Variants in PIM2 observed in about 807,000 individuals in gnomAD.
PIM2 encodes the protein serine/threonine-protein kinase pim-2.
In PIM2, 3 loss-of-function variants were observed where a neutral mutation model predicts 18.0. The observed-to-expected ratio is 0.17, with a 90% confidence interval of 0.08 to 0.43. PIM2 has a LOEUF of 0.43. Ranked by LOEUF, PIM2 falls within the 20% of genes least tolerant of loss-of-function variation. The probability of loss-of-function intolerance (pLI) is 0.99; values close to 1 mark genes in which losing one functional copy is unlikely to be tolerated. For synonymous variants in PIM2, 117 were observed against 105.3 expected, an observed-to-expected ratio of 1.11 and a Z score of -0.68; for missense variants, 181 against 260.8, an observed-to-expected ratio of 0.69 and a Z score of 2.11.
Position 48,917,778 on chromosome X carries a change from C to T in PIM2, c.222+3G>A. ...GGTTAGGAAGGGCTCCGAAGGTACT[C>T]ACCAAGGGGGACCAGCCCAGCACAC... On this transcript the variant is annotated splice_donor_region_variant and intron_variant, in intron 3 of 5. Coordinates refer to ENST00000376509, the MANE Select transcript of PIM2 (RefSeq NM_006875.4). 1 of 1,200,320 alleles carries T rather than the reference C, an allele frequency of 8.3e-7. No homozygotes were observed. Among genetic ancestry groups the T allele is most frequent in the African/African-American group, 1.7e-5 (1 of 57,498 alleles).
rs1396834229 is a variant in PIM2, at chrX:48,913,202, TTAAA to T, written c.*925_*928del. The T allele has an allele frequency of 3.6e-5, 4 of 111,408 alleles. No homozygotes were observed. Among genetic ancestry groups the T allele is most frequent in the African/African-American group, 1.3e-4 (4 of 30,492 alleles). The allele number at this position is 111,408 out of a possible 1,213,427, so 9.2% of individuals were successfully genotyped here. The stretch of plus-strand genomic sequence containing the variant: ...GCCGCTTCTGATTCTATTACTTTTA[TTAAA>T]TAGTGGGTTTCCACACATGGCTTTT... On this transcript the variant is annotated 3_prime_UTR_variant, in exon 6 of 6. Coordinates refer to ENST00000376509, the MANE Select transcript of PIM2 (RefSeq NM_006875.4).
At chrX:48,915,529 C>G (rs1245657578) in intron 3 of PIM2, 137 bp from the exon 4 acceptor site, 1 of 573,499 alleles carries the variant, frequency 1.7e-6, no homozygotes, top group African/African-American at 2.3e-5. Flanking sequence ...CACTTCCCTT[C>G]CTGGGCCTCA....
In PIM2 at chrX:48,918,571, C is replaced by G. The variant is rs1557045532; in HGVS notation, c.136G>C (p.Val46Leu). The change falls in exon 2 of 6, where the codon GTC (valine) becomes CTC (leucine). Residue 46 changes from valine to leucine, a missense_variant. This residue lies in a region of PIM2 where 104 missense variants were observed against 125.3 expected (regional missense o/e 0.83). Coordinates refer to ENST00000376509, the MANE Select transcript of PIM2 (RefSeq NM_006875.4). The stretch of plus-strand genomic sequence containing the variant: ...TCTGTGAGGCGGTGTCCTGCGAAGA[C>G]GGTGCCAAAGCCCCCCTTACCCAGG... ...PLLGKGGFGT[V>L]FAGHRLTDRL... The G allele has an allele frequency of 8.3e-7, 1 of 1,206,722 alleles. No individual in the cohort carries two copies. The highest frequency in any genetic ancestry group is 1.1e-6 in the Non-Finnish European group (1 of 892,052).
chrX:48,913,342 G>T lies in PIM2; in HGVS notation c.*789C>A, dbSNP rs2063552334. 1 of 109,841 alleles carries T rather than the reference G, an allele frequency of 9.1e-6. No individual in the cohort carries two copies. The highest frequency in any genetic ancestry group is 2.8e-4 in the East Asian group (1 of 3,518). The allele number at this position is 109,841 out of a possible 1,213,427, so 9.1% of individuals were successfully genotyped here. On this transcript the variant is annotated 3_prime_UTR_variant, in exon 6 of 6. Coordinates refer to ENST00000376509, the MANE Select transcript of PIM2 (RefSeq NM_006875.4). Reference sequence around the variant, plus strand: ...GACAATCCCGGCTCAGGAGGAGGTTGCAAGAATCTGCAAAAGTTGGAGGGA... The same window carrying T: ...GACAATCCCGGCTCAGGAGGAGGTTTCAAGAATCTGCAAAAGTTGGAGGGA...
At chrX:48,917,729 AAT>A (rs2063567104) in intron 3 of PIM2, 50 bp downstream of exon 3, 1 of 1,008,038 alleles carries the variant, frequency 9.9e-7, no homozygotes, top group Non-Finnish European at 1.4e-6. Flanking sequence ...CAAGGAGGTG[AAT>A]ACATCAGTGA....
intron 3 of PIM2, chrX:48,915,593 G>C (rs781858918): frequency 2.4e-6 from 1 of 415,953 alleles, no homozygotes; most frequent in Admixed American, 4.5e-5. Flanking sequence ...AACCAGCAAA[G>C]AGCCTGCACA....
chrX:48,915,890 T>C (rs2147507078), intron 3 of PIM2, among the ~76,000 whole-genome samples: 1 of 112,176 alleles, frequency 8.9e-6, no homozygotes, highest in East Asian at 2.8e-4. Context: ...ACTCCAGCTG[T>C]CTCAAAACAA....
At chrX:48,914,680 A>T in intron 4 of PIM2, 109 bp from the exon 5 acceptor site, 1 of 653,866 alleles carries the variant, frequency 1.5e-6, no homozygotes, top group Non-Finnish European at 2.3e-6. Flanking sequence ...TCAAGATAAA[A>T]GCAGAGTCCC....
Position 48,915,098 on chromosome X carries a change from G to A in PIM2, c.517C>T (p.Leu173=). The change falls in exon 4 of 6, where the codon CTA becomes TTA. Residue 173 remains leucine (L), a synonymous_variant. Coordinates refer to ENST00000376509, the MANE Select transcript of PIM2 (RefSeq NM_006875.4). ...DIKDENILID[L]RRGCAKLIDF... ...ATGAGTTTGGCACAGCCACGGCGTA[G>A]GTCTATCAGGATGTTCTCATCCTTG... is the stretch of plus-strand genomic sequence containing the variant. 8.3e-7 allele frequency: 1 copy of A among 1,211,161 alleles called. No individual in the cohort carries two copies. The highest frequency in any genetic ancestry group is 1.1e-6 in the Non-Finnish European group (1 of 894,667).
Position 48,914,465 on chromosome X carries a change from C to T in PIM2, c.702G>A (p.Gly234=), listed in dbSNP as rs1182429206. 1 of 1,210,174 alleles carries T rather than the reference C, an allele frequency of 8.3e-7. No homozygotes were observed. The change falls in exon 5 of 6, where the codon GGG becomes GGA. Residue 234 remains glycine, a synonymous_variant. Transcript: ENST00000376509. ...LGILLYDMVC[G]DIPFERDQEI... is the part of the protein sequence containing the mutation. Reference sequence around the variant, plus strand: ...CCTGGTCCCTCTCAAAGGGAATGTCCCCACACACCATGTCATAGAGGAGGA... The same window carrying T: ...CCTGGTCCCTCTCAAAGGGAATGTCTCCACACACCATGTCATAGAGGAGGA...
intron 3 of PIM2, chrX:48,915,648 A>T (rs2063561217): frequency 3.2e-6 from 1 of 313,018 alleles, no homozygotes; most frequent in African/African-American, 2.7e-5. Context: ...TAAACGAAAG[A>T]AGTTCGGCCA....
Position 48,914,461 on chromosome X carries a change from T to C in PIM2, c.706A>G (p.Ile236Val), listed in dbSNP as rs1413566733. 1 of 1,207,396 alleles carries C rather than the reference T, an allele frequency of 8.3e-7. No homozygotes were observed. The highest frequency in any genetic ancestry group is 1.1e-6 in the Non-Finnish European group (1 of 894,143). The change falls in exon 5 of 6, where the codon ATT (isoleucine) becomes GTT (valine). Residue 236 changes from isoleucine (I) to valine (V), a missense_variant. By Grantham distance (29) the Ile-to-Val change is conservative (BLOSUM62 3). Coordinates refer to ENST00000376509, the MANE Select transcript of PIM2 (RefSeq NM_006875.4). ...ILLYDMVCGD[I>V]PFERDQEILE... ...ATCTCCTGGTCCCTCTCAAAGGGAA[T>C]GTCCCCACACACCATGTCATAGAGG...
intron 3 of PIM2, among the ~76,000 whole-genome samples, chrX:48,916,938 T>C: frequency 9.2e-6 from 1 of 109,089 alleles, no homozygotes; most frequent in Non-Finnish European, 1.9e-5. Context: ...GCGGATCACC[T>C]GAGGTCAGCA....
chrX:48,918,244 C>T (rs1386544447), intron 2 of PIM2, among the ~76,000 whole-genome samples: 4 of 105,066 alleles, frequency 3.8e-5, no homozygotes, highest in Non-Finnish European at 7.8e-5. Flanking sequence ...TGCTTTCCCA[C>T]ACATACACAG....
In PIM2 at chrX:48,917,788, G is replaced by C; in HGVS notation, c.215C>G (p.Ser72Cys). Residue 72 changes from serine (S) to cysteine (C), a missense_variant, in exon 3 of 6, where the codon TCC becomes TGC. Coordinates refer to ENST00000376509, the MANE Select transcript of PIM2 (RefSeq NM_006875.4). ...VIPRNRVLGW[S>C]PLSDSVTCPL... ...GGCTCCGAAGGTACTCACCAAGGGG[G>C]ACCAGCCCAGCACACGATTCCGGGG... 3 of 1,203,913 alleles carry C rather than the reference G, an allele frequency of 2.5e-6. No homozygotes were observed. Among genetic ancestry groups the C allele is most frequent in the Non-Finnish European group, 3.4e-6 (3 of 890,586 alleles).
Position 48,918,836 on chromosome X carries a change from G to A in PIM2, c.-2C>T. 1 of 1,193,937 alleles carries A rather than the reference G, an allele frequency of 8.4e-7. No homozygotes were observed. The highest frequency in any genetic ancestry group is 3.2e-4 in the Middle Eastern group (1 of 3,080). On this transcript the variant is annotated 5_prime_UTR_variant, in exon 1 of 6. Transcript: ENST00000376509. Reference sequence around the variant, plus strand: ...CCCCTGTAGAGGCTTGGTCAACATGGAGGTGGCGCTGCGCAGATTGAGCCC... The same window carrying A: ...CCCCTGTAGAGGCTTGGTCAACATGAAGGTGGCGCTGCGCAGATTGAGCCC...
intron 3 of PIM2, among the ~76,000 whole-genome samples, chrX:48,916,242 A>G (rs1033258027): frequency 1.9e-4 from 22 of 113,024 alleles, no homozygotes; most frequent in African/African-American, 6.8e-4. Flanking sequence ...TGAGCTCTCA[A>G]TACTTATGTA....
chrX:48,914,617 T>A (rs782803525), intron 4 of PIM2, 46 bp from the exon 5 acceptor site: 2 of 1,099,165 alleles, frequency 1.8e-6, no homozygotes, highest in South Asian at 4.1e-5. Flanking sequence ...CATGATGCCC[T>A]TCTCCAACCC....
intron 3 of PIM2, among the ~76,000 whole-genome samples, chrX:48,917,101 G>GC (rs2063564899): frequency 9.1e-6 from 1 of 109,963 alleles, no homozygotes; most frequent in Non-Finnish European, 1.9e-5. Flanking sequence ...GTTGCAGTGA[G>GC]CCGAGATCGC....
Sources: allele counts gnomAD v4.1 joint callset (sites outside exome capture counted in the v4.1 genomes callset), GRCh38; gene constraint gnomAD v4.1.1; regional missense constraint gnomAD v4.1.1; transcripts MANE v1.5; gene names NCBI Gene and HGNC (gene_info 2026-07-23, HGNC 2026-07-21).